The following DNAH17 variants were observed in gnomAD, a reference collection of about 807,000 sequenced individuals.
The protein encoded by DNAH17 is dynein axonemal heavy chain 17.
Under a neutral mutation model 485.6 loss-of-function variants are expected in DNAH17, and 376 were observed. That is an observed-to-expected ratio of 0.77 (90% CI 0.71 to 0.84). DNAH17 has a LOEUF of 0.84. DNAH17 is among the 40% of genes least tolerant of loss of function. The pLI is 0.00. For missense variants in DNAH17, 6,370 were observed against 5,839.3 expected, an observed-to-expected ratio of 1.09 and a Z score of -2.96; for synonymous variants, 3,031 against 2,405.9, an observed-to-expected ratio of 1.26 and a Z score of -7.60.
At chr17:78,560,648 C>T (rs2092132778) in intron 13 of DNAH17, 92 bp downstream of exon 13, 2 of 1,316,306 alleles carry the variant, frequency 1.5e-6, no homozygotes, top group East Asian at 2.5e-5. Context: ...ATATAAACAT[C>T]GACCTCCATA....
chr17:78,549,874 A>C (rs759532827), intron 16 of DNAH17, among the ~76,000 whole-genome samples: 29 of 152,244 alleles, frequency 1.9e-4, no homozygotes, highest in Non-Finnish European at 3.5e-4. Flanking sequence ...CTGAAGATTC[A>C]GAAGCCCGTG....
chr17:78,482,047 T>C (rs1189101121), intron 48 of DNAH17, among the ~76,000 whole-genome samples: 4 of 150,202 alleles, frequency 2.7e-5, no homozygotes, highest in Non-Finnish European at 5.9e-5. Context: ...AATAATTTCC[T>C]TGATGTCACA....
At chr17:78,567,747 G>A (rs2092291270) in intron 9 of DNAH17, among the ~76,000 whole-genome samples, 1 of 152,114 alleles carries the variant, frequency 6.6e-6, no homozygotes, top group Non-Finnish European at 1.5e-5. Context: ...CCATAGCAAT[G>A]CATTCCTTCC....
chr17:78,539,085 G>T (rs1274760685), intron 18 of DNAH17, among the ~76,000 whole-genome samples: 2 of 152,098 alleles, frequency 1.3e-5, no homozygotes, highest in Non-Finnish European at 2.9e-5. Context: ...ACAAAAATTA[G>T]CCAGGCGTGG....
intron 33 of DNAH17, chr17:78,502,372 T>C: frequency 2.3e-6 from 1 of 436,712 alleles, no homozygotes; most frequent in Non-Finnish European, 4.1e-6. Flanking sequence ...TCAAAGTACA[T>C]ATTTCTGAAG....
At position 78,507,515 on chromosome 17, in the gene DNAH17, G is replaced by T; in HGVS notation, c.4527C>A (p.Ile1509=). 1 of 1,613,874 alleles carries T rather than the reference G, an allele frequency of 6.2e-7. No homozygotes were observed. The highest frequency in any genetic ancestry group is 1.3e-5 in the African/African-American group (1 of 75,066). ...GGGAGTCCCCCGGGAGCTGGGTGCG[G>T]ATGTCTTCGGAGCCGATGAAGATGC... The part of the protein sequence containing the change: ...LESIFIGSED[I]RTQLPGDSQR... Residue 1509 remains isoleucine, a synonymous_variant, in exon 28 of 81, where the codon ATC becomes ATA. Coordinates refer to ENST00000389840, the MANE Select transcript of DNAH17 (RefSeq NM_173628.4).
chr17:78,475,357 G>T lies in DNAH17; in HGVS notation c.8432C>A (p.Ser2811Tyr), dbSNP rs1301044452. ...GVGGSGKQSL[S>Y]RLAAYISGLD... ...CCCGCTGATGTACGCTGCCAGGCGG[G>T]AGAGGCTCTGTTTGCCACTGCCGCC... Residue 2811 changes from serine (S) to tyrosine (Y), a missense_variant, in exon 54 of 81, where the codon TCC becomes TAC. Ser to Tyr is a moderately radical substitution (Grantham distance 144). Transcript: ENST00000389840. 1 of 1,613,908 alleles carries T rather than the reference G, an allele frequency of 6.2e-7. No individual in the cohort carries two copies. The highest frequency in any genetic ancestry group is 1.3e-5 in the African/African-American group (1 of 74,926).
At chr17:78,476,435 G>T (rs1313946331) in intron 52 of DNAH17, 137 bp downstream of exon 52, 2 of 1,028,526 alleles carry the variant, frequency 1.9e-6, no homozygotes, top group Non-Finnish European at 2.7e-6. Flanking sequence ...TGGAATGATC[G>T]CGTGGAACCT....
At chr17:78,486,969 T>C (rs1241102833) in intron 44 of DNAH17, among the ~76,000 whole-genome samples, 2 of 147,352 alleles carry the variant, frequency 1.4e-5, no homozygotes, top group African/African-American at 2.5e-5. Flanking sequence ...CAGCCATGCC[T>C]GAAGCACCCC....
intron 40 of DNAH17, 41 bp downstream of exon 40, chr17:78,494,552 G>T: frequency 6.3e-7 from 1 of 1,587,216 alleles, no homozygotes; most frequent in Non-Finnish European, 8.6e-7. Context: ...CCCCAGCCAG[G>T]CAGGCTTCTC....
intron 25 of DNAH17, among the ~76,000 whole-genome samples, chr17:78,520,869 C>T (rs1182559707): frequency 2.0e-5 from 3 of 152,106 alleles, no homozygotes. Flanking sequence ...ATAAGCATAA[C>T]AAGCTTATTC....
intron 34 of DNAH17, 196 bp from the exon 35 acceptor site, chr17:78,501,540 G>A: frequency 1.0e-6 from 1 of 967,156 alleles, no homozygotes; most frequent in Non-Finnish European, 1.5e-6. Context: ...CACTTCCAAT[G>A]GGCGGGCACC....
At position 78,462,925 on chromosome 17, in the gene DNAH17, C is replaced by T. The variant is rs1390867267; in HGVS notation, c.9093G>A (p.Leu3031=). 2 of 1,613,990 alleles carry T rather than the reference C, an allele frequency of 1.2e-6. No homozygotes were observed. Among genetic ancestry groups the T allele is most frequent in the Non-Finnish European group, 1.7e-6 (2 of 1,179,888 alleles). Residue 3031 remains leucine, a synonymous_variant, in exon 57 of 81, where the codon CTG becomes CTA. Transcript: ENST00000389840. ...CAACAAGTTCCGTTCTCTTCTTGGC[C>T]AGCAGGTTCTGGTACAGTTTGATCT... ...LEQIKLYQNL[L]AKKRTELVAK...
intron 8 of DNAH17, 40 bp downstream of exon 8, chr17:78,569,335 C>T (rs748317863): frequency 6.2e-6 from 10 of 1,608,762 alleles, no homozygotes; most frequent in Non-Finnish European, 8.5e-6. Flanking sequence ...TATGAACTCA[C>T]TCGTCCTGCC....
At chr17:78,429,903 G>T (rs1484067895) in intron 75 of DNAH17, among the ~76,000 whole-genome samples, 1 of 152,130 alleles carries the variant, frequency 6.6e-6, no homozygotes, top group Non-Finnish European at 1.5e-5. Flanking sequence ...TGCCTCCAGG[G>T]TCTTTGCAGT....
rs1439241275 is a variant in DNAH17 at position 78,428,706 on chromosome 17, C to T, written c.12407G>A (p.Gly4136Asp). 1 of 1,613,102 alleles carries T rather than the reference C, an allele frequency of 6.2e-7. No homozygotes were observed. The highest frequency in any genetic ancestry group is 1.7e-4 in the Middle Eastern group (1 of 6,058). Residue 4136 changes from glycine (G) to aspartate (D), a missense_variant and splice_region_variant, in exon 77 of 81, where the codon GGT becomes GAT. Transcript: ENST00000389840. ...GTTCTCATCGATGTATTCGTGGTAA[C>T]CCTGAAAAAGAGGGCAGTTTGTAAG... ...FQIPPNLDYK[G>D]YHEYIDENLP...
Position 78,425,373 on chromosome 17 carries a change from A to C in DNAH17, c.13114T>G (p.Ser4372Ala), listed in dbSNP as rs370267916. Residue 4372 changes from serine (S) to alanine (A), a missense_variant, in exon 80 of 81, where the codon TCC (serine) becomes GCC (alanine). Physicochemically the swap from Ser to Ala is moderately conservative, Grantham distance 99. Coordinates refer to ENST00000389840, the MANE Select transcript of DNAH17 (RefSeq NM_173628.4). ...EDMTAPPREG[S>A]YVYGLFMEGA... ...TCCATGAAGAGTCCGTACACGTAGG[A>C]GCCCTCTCGCGGAGGAGCGGTCATG... The C allele has an allele frequency of 1.2e-5, 20 of 1,613,828 alleles. No homozygotes were observed. In the African/African-American group the frequency reaches 2.3e-4, roughly 18 times the overall value.
rs201218603 is a variant in DNAH17, at chr17:78,537,392, G to A, written c.2766C>T (p.Arg922=). 11 of 1,612,956 alleles carry A rather than the reference G, an allele frequency of 6.8e-6. No individual in the cohort carries two copies. Among genetic ancestry groups the A allele is most frequent in the African/African-American group, 2.7e-5 (2 of 74,872 alleles). ...FNPTLEVGSD[R]GFLALIEGLV... ...GGCCCTCGATCAGTGCCAGGAAGCC[G>A]CGATCTGAGCCCACCTCCAGGGTCG... The change falls in exon 19 of 81, where the codon CGC becomes CGT. Residue 922 remains arginine, a synonymous_variant. Transcript: ENST00000389840.
chr17:78,512,849 G>A (rs1772682129), intron 26 of DNAH17, among the ~76,000 whole-genome samples: 1 of 149,252 alleles, frequency 6.7e-6, no homozygotes, highest in South Asian at 2.1e-4. Flanking sequence ...GCTGAATCAG[G>A]AGAATCACTT....
Sources: allele counts gnomAD v4.1 joint callset (sites outside exome capture counted in the v4.1 genomes callset), GRCh38; gene constraint gnomAD v4.1.1; transcripts MANE v1.5; gene names NCBI Gene and HGNC (gene_info 2026-07-23, HGNC 2026-07-21).